COG1: variants seen among roughly 807,000 people sequenced by gnomAD.
COG1 encodes conserved oligomeric Golgi complex subunit 1.
Under a neutral mutation model 102.2 loss-of-function variants are expected in COG1, and 61 were observed. The ratio of observed to expected loss-of-function variants is 0.60; its 90% confidence interval spans 0.49 to 0.74. COG1 has a LOEUF of 0.74. Among genes scored for constraint, COG1 ranks in the 30% least tolerant of loss-of-function variants. The pLI, the probability that COG1 is intolerant of heterozygous loss-of-function variation, is 0.00. For synonymous variants in COG1, 454 were observed against 493.6 expected, an observed-to-expected ratio of 0.92 and a Z score of 1.06; for missense variants, 1,164 against 1,232.1, an observed-to-expected ratio of 0.94 and a Z score of 0.83.
chr17:73,196,051 G>A (rs1294294379), intron 1 of COG1, among the ~76,000 whole-genome samples: 1 of 152,204 alleles, frequency 6.6e-6, no homozygotes, highest in East Asian at 1.9e-4. Flanking sequence ...GTGGGTCTGG[G>A]AAGTCCAAGA....
At chr17:73,195,430 C>T (rs1386050909) in intron 1 of COG1, among the ~76,000 whole-genome samples, 1 of 151,934 alleles carries the variant, frequency 6.6e-6, no homozygotes, top group Non-Finnish European at 1.5e-5. Context: ...CTGGGCAACA[C>T]GGTGAAACAC....
intron 8 of COG1, 143 bp downstream of exon 8, chr17:73,203,289 T>C: frequency 9.4e-7 from 1 of 1,062,208 alleles, no homozygotes; most frequent in Non-Finnish European, 1.4e-6. Flanking sequence ...GCATAGTAGA[T>C]GTAGGGCTAA....
chr17:73,206,307 G>A, intron 11 of COG1, 45 bp downstream of exon 11: 7 of 1,448,110 alleles, frequency 4.8e-6, no homozygotes, highest in Non-Finnish European at 6.8e-6. Flanking sequence ...AAGCGATACA[G>A]GCTCAAATAA....
rs554412385 is a variant in COG1, at chr17:73,208,176, G to T, written c.2806-138G>T. The T allele has an allele frequency of 8.8e-4, 1,358 of 1,548,308 alleles. 3 individuals are homozygous for T. Among genetic ancestry groups the T allele is most frequent in the Non-Finnish European group, 1.0e-3 (1,171 of 1,151,762 alleles). On this transcript the variant is annotated intron_variant, in intron 13 of 13. Transcript: ENST00000299886. ...TCTTCAAATCTGGACCGACAGCAAA[G>T]TCCTCTGACTAGAGCCATCGTGCTT...
At chr17:73,201,013 C>T in intron 6 of COG1, 96 bp from the exon 7 acceptor site, 1 of 1,199,310 alleles carries the variant, frequency 8.3e-7, no homozygotes, top group Non-Finnish European at 1.2e-6. Context: ...AGATGGTGAA[C>T]CTTCTGAATG....
chr17:73,193,227 G>A lies in COG1; in HGVS notation c.158G>A (p.Gly53Asp). 6.2e-7 allele frequency: 1 copy of A among 1,608,960 alleles called. No individual in the cohort carries two copies. Among genetic ancestry groups the A allele is most frequent in the Non-Finnish European group, 8.5e-7 (1 of 1,178,196 alleles). ...HKKEELRQMV[G>D]ERYRDLIEAA... is the part of the protein sequence containing the mutation. ...AAGGAGGAGCTGCGGCAGATGGTGG[G>A]CGAACGGTACCGCGACCTGATCGAG... Residue 53 changes from glycine to aspartate, a missense_variant, in exon 1 of 14, where the codon GGC (glycine) becomes GAC (aspartate). Physicochemically the swap from Gly to Asp is moderately conservative, Grantham distance 94 (BLOSUM62 -1). Transcript: ENST00000299886.
intron 1 of COG1, 125 bp from the exon 2 acceptor site, chr17:73,196,382 G>GTACTGAACCCAGCTTAA: frequency 7.2e-7 from 1 of 1,389,238 alleles, no homozygotes. Context: ...TTGCTGAGTT[G>GTACTGAACCCAGCTTAA]TACTGAACCC....
In COG1 at chr17:73,200,603, C is replaced by T. The variant is rs1429642320; in HGVS notation, c.1108C>T (p.Leu370Phe). 6.8e-6 allele frequency: 11 copies of T among 1,614,170 alleles called. No individual in the cohort carries two copies. The highest frequency in any genetic ancestry group is 9.3e-6 in the Non-Finnish European group (11 of 1,180,026). ...EDIKNGITNLLMYVKSMKGLA... is the reference protein window; with the variant it reads ...EDIKNGITNLFMYVKSMKGLA... The stretch of plus-strand genomic sequence containing the variant: ...CATTAAAAATGGGATCACCAACCTG[C>T]TCATGTACGTGAAGAGCATGAAGGG... Residue 370 changes from leucine to phenylalanine, a missense_variant, in exon 6 of 14, where the codon CTC (leucine) becomes TTC (phenylalanine). Leu to Phe is a conservative substitution (Grantham distance 22). Transcript: ENST00000299886.
chr17:73,197,491 G>T, intron 4 of COG1, 95 bp downstream of exon 4: 1 of 1,388,718 alleles, frequency 7.2e-7, no homozygotes, highest in Non-Finnish European at 1.0e-6. Flanking sequence ...AGGCTCTGGG[G>T]ATGGAGCAGT....
At chr17:73,207,985 A>G in intron 13 of COG1, 7 of 1,269,992 alleles carry the variant, frequency 5.5e-6, no homozygotes, top group South Asian at 3.2e-5. Flanking sequence ...AGCATGGGCT[A>G]TGTTGCAGCC....
chr17:73,205,770 A>G lies in COG1; in HGVS notation c.2510+90A>G, dbSNP rs543923634. 4.7e-6 allele frequency: 7 copies of G among 1,487,498 alleles called. No individual in the cohort carries two copies. The Admixed American group carries it at 1.0e-4, about 21-fold the overall frequency. The allele number at this position is 1,487,498 out of a possible 1,614,324, so 92.1% of individuals were successfully genotyped here. A position where few individuals can be genotyped will look rare whatever the true frequency, so the allele number is the denominator to read the frequency against. ...GGGAAGCCACCAGAGTCAGCCTGTT[A>G]TACTGCACATTCATTGTGTTTGTTT... On this transcript the variant is annotated intron_variant, in intron 10 of 13. Coordinates refer to ENST00000299886, the MANE Select transcript of COG1 (RefSeq NM_018714.3).
rs375124338 is a variant in COG1, at chr17:73,201,917, C to T, written c.2073+17C>T. On this transcript the variant is annotated intron_variant, in intron 7 of 13. Coordinates refer to ENST00000299886, the MANE Select transcript of COG1 (RefSeq NM_018714.3). ...GTTGTGAAAGTGAGTGATGTAATTT[C>T]TTATCCCTGTCTTGTCTCACTTCTG... The T allele has an allele frequency of 1.9e-4, 303 of 1,611,396 alleles. No individual in the cohort carries two copies. Among genetic ancestry groups the T allele is most frequent in the Non-Finnish European group, 2.4e-4 (280 of 1,178,102 alleles).
chr17:73,199,858 T>G lies in COG1; in HGVS notation c.914-7T>G, dbSNP rs1362579139. The G allele has an allele frequency of 1.9e-6, 3 of 1,614,026 alleles. No individual in the cohort carries two copies. The highest frequency in any genetic ancestry group is 1.3e-5 in the African/African-American group (1 of 74,920). On this transcript the variant is annotated splice_polypyrimidine_tract_variant and splice_region_variant and intron_variant, in intron 4 of 13. Coordinates refer to ENST00000299886, the MANE Select transcript of COG1 (RefSeq NM_018714.3). ...CTAGATGGCTTCTCACTTGGCCTTCTCTTTAGGAAAGGGCACTGGTGTCCT... is the reference window on the plus strand; with the variant it reads ...CTAGATGGCTTCTCACTTGGCCTTCGCTTTAGGAAAGGGCACTGGTGTCCT...
chr17:73,205,940 T>C (rs2061369281), intron 10 of COG1: 1 of 658,364 alleles, frequency 1.5e-6, no homozygotes, highest in Non-Finnish European at 2.6e-6. Context: ...GAGCCCTTAG[T>C]GCCCTCCTTA....
At position 73,206,143 on chromosome 17, in the gene COG1, C is replaced by T; in HGVS notation, c.2511-11C>T. 6.3e-7 allele frequency: 1 copy of T among 1,597,078 alleles called. No individual in the cohort carries two copies. The highest frequency in any genetic ancestry group is 8.6e-7 in the Non-Finnish European group (1 of 1,164,432). The stretch of plus-strand genomic sequence containing the variant: ...AAATGTGGACAGTAATGATCCTAAT[C>T]CTTTTCTCAGAATTGAGAAAGTGAC... On this transcript the variant is annotated splice_polypyrimidine_tract_variant and intron_variant, in intron 10 of 13. Coordinates refer to ENST00000299886, the MANE Select transcript of COG1 (RefSeq NM_018714.3).
At chr17:73,206,019 T>C (rs1243256129) in intron 10 of COG1, 135 bp from the exon 11 acceptor site, 6 of 773,476 alleles carry the variant, frequency 7.8e-6, no homozygotes, top group Non-Finnish European at 1.3e-5. Flanking sequence ...AGCACTATCA[T>C]CAGTGACAAA....
rs549011927 is a variant in COG1 at position 73,207,215 on chromosome 17, C to T, written c.2764C>T (p.Arg922Ter). The change falls in exon 13 of 14, where the codon CGA becomes TGA. Residue 922 changes from arginine to a stop codon, truncating the protein, a stop_gained. Transcript: ENST00000299886. LOFTEE classifies it high-confidence loss of function. ...TCTCCCACTGAGCATGACAAGCACT[C>T]GAAAGGCTAAATCAACCAGAAACAT... is the stretch of plus-strand genomic sequence containing the variant. ...GLLPLSMTST[R>*]KAKSTRNIET... 5.0e-6 allele frequency: 8 copies of T among 1,613,652 alleles called. No individual in the cohort carries two copies. The highest frequency in any genetic ancestry group is 1.7e-4 in the Middle Eastern group (1 of 6,058).
chr17:73,198,481 G>A (rs866650785), intron 4 of COG1, among the ~76,000 whole-genome samples: 1 of 152,222 alleles, frequency 6.6e-6, no homozygotes, highest in Non-Finnish European at 1.5e-5. Flanking sequence ...TGCTATTTGG[G>A]AGGCTGAGGC....
intron 4 of COG1, 140 bp from the exon 5 acceptor site, chr17:73,199,725 C>T (rs2061339305): frequency 4.3e-6 from 4 of 940,030 alleles, no homozygotes; most frequent in Admixed American, 2.0e-5. Flanking sequence ...CAGGTGTGCA[C>T]CATGACGCCT....
Sources: gnomAD v4.1 joint callset for allele counts (sites outside exome capture counted in the v4.1 genomes callset) on GRCh38, gnomAD v4.1.1 for gene constraint, MANE v1.5 for transcripts, NCBI Gene and HGNC (gene_info 2026-07-23, HGNC 2026-07-21) for gene names.